Variants in TMEM67 observed in about 807,000 individuals in gnomAD.
TMEM67 encodes meckelin.
In TMEM67, 124 loss-of-function variants were observed where a neutral mutation model predicts 136.6. The observed-to-expected ratio is 0.91, with a 90% CI of 0.78 to 1.05. TMEM67 has a LOEUF of 1.05. Among genes scored for constraint, TMEM67 ranks in the 50% least tolerant of loss-of-function variants. The probability of loss-of-function intolerance (pLI) is 0.00; values close to 1 mark genes in which losing one functional copy is unlikely to be tolerated. For missense variants in TMEM67, 1,107 were observed against 1,178.4 expected (o/e 0.94, Z 0.89); for synonymous variants, 364 against 390.5 (o/e 0.93, Z 0.80).
chr8:93,758,856 C>T (rs912065066), intron 3 of TMEM67: 3 of 368,502 alleles, frequency 8.1e-6, no homozygotes, highest in African/African-American at 4.1e-5. Context: ...GCCTCAGCCT[C>T]CTAAAGTGCT....
At chr8:93,777,011 T>C (rs553864559) in intron 7 of TMEM67, among the ~76,000 whole-genome samples, 1 of 152,366 alleles carries the variant, frequency 6.6e-6, no homozygotes, top group Admixed American at 6.5e-5. Flanking sequence ...GGCTATTGAT[T>C]ATTGCCTCAA....
intron 3 of TMEM67, chr8:93,759,149 A>G (rs1346237856): frequency 6.6e-6 from 1 of 152,220 alleles, no homozygotes. Flanking sequence ...CAAACTATGC[A>G]CTTAAGTAAG....
chr8:93,816,275 T>G lies in TMEM67; in HGVS notation c.2908-97T>G, dbSNP rs1808902124. On this transcript the variant is annotated intron_variant, in intron 27 of 27. Coordinates refer to ENST00000453321, the MANE Select transcript of TMEM67 (RefSeq NM_153704.6). ...CAGATACCTGATACATGAAAATAGT[T>G]GAGAGAATTAGCTAATTTAATCTAG... The G allele has an allele frequency of 7.0e-6, 4 of 572,102 alleles. No homozygotes were observed. The South Asian group carries it at 1.1e-4, about 16-fold the overall frequency. 35.4% of individuals were successfully genotyped at this position (572,102 alleles called of 1,614,324 possible).
chr8:93,764,066 T>A, intron 4 of TMEM67, 125 bp downstream of exon 4: 2 of 738,912 alleles, frequency 2.7e-6, no homozygotes, highest in South Asian at 3.1e-5. Flanking sequence ...AGGATAGAAG[T>A]AGACATTAAC....
At chr8:93,773,916 G>A (rs187513436) in intron 7 of TMEM67, among the ~76,000 whole-genome samples, 98 of 152,092 alleles carry the variant, frequency 6.4e-4, no homozygotes, top group African/African-American at 2.2e-3. Context: ...AAATGTTTGT[G>A]TTATTTCTCT....
chr8:93,780,239 G>C (rs190216172), intron 7 of TMEM67, among the ~76,000 whole-genome samples: 4 of 152,004 alleles, frequency 2.6e-5, no homozygotes, highest in Non-Finnish European at 4.4e-5. Flanking sequence ...GCAGTGTTTA[G>C]GTGGAGGTGT....
chr8:93,808,197 T>C (rs1815240389), intron 23 of TMEM67, among the ~76,000 whole-genome samples: 1 of 148,238 alleles, frequency 6.7e-6, no homozygotes, highest in Non-Finnish European at 1.5e-5. Flanking sequence ...TCTACTTAAA[T>C]ATATATATAT....
downstream of TMEM67, among the ~76,000 whole-genome samples, chr8:93,823,708 A>G (rs1331860237): frequency 6.6e-6 from 1 of 152,196 alleles, no homozygotes; most frequent in Admixed American, 6.5e-5. Flanking sequence ...GACAGAATTG[A>G]CCAGATTCGA....
rs748909800 is a variant in TMEM67 at position 93,803,680 on chromosome 8, G to A, written c.2318G>A (p.Ser773Asn). The change falls in exon 22 of 28, where the codon AGT becomes AAT. Residue 773 changes from serine to asparagine, a missense_variant. Physicochemically the swap from Ser to Asn is conservative, Grantham distance 46. Transcript: ENST00000453321. ...IRQFVDLCSM[S>N]NISVFLLSHK... ...CAGTTCGTTGATTTATGCTCTATGA[G>A]TAATGTAAGTACTTTCTGACTTCAT... 2.6e-6 allele frequency: 4 copies of A among 1,533,624 alleles called. No individual in the cohort carries two copies. The South Asian group carries it at 4.5e-5, about 17-fold the overall frequency.
chr8:93,830,871 C>T, the TMEM67 span, among the ~76,000 whole-genome samples: 5 of 152,342 alleles, frequency 3.3e-5, no homozygotes, highest in African/African-American at 7.2e-5. Context: ...CATTTGCCCA[C>T]GTATTTCCAT....
chr8:93,781,782 T>C (rs758092316), intron 10 of TMEM67, 38 bp downstream of exon 10: 12 of 1,278,774 alleles, frequency 9.4e-6, no homozygotes, highest in Non-Finnish European at 1.4e-5. Flanking sequence ...ATAACATGCA[T>C]TATTTTTGCC....
At chr8:93,779,291 G>A (rs894563358) in intron 7 of TMEM67, among the ~76,000 whole-genome samples, 1 of 152,042 alleles carries the variant, frequency 6.6e-6, no homozygotes, top group Non-Finnish European at 1.5e-5. Context: ...TCCTTCCGAC[G>A]GGTTCGAACA....
At chr8:93,791,145 GATAGTTAAAAACT>G in intron 14 of TMEM67, 105 bp from the exon 15 acceptor site, 1 of 672,128 alleles carries the variant, frequency 1.5e-6, no homozygotes, top group Admixed American at 2.6e-5. Context: ...TAGTAATATT[GATAGTTAAAAACT>G]ATAGTGTTTA....
At chr8:93,768,504 A>G (rs1393129772) in intron 6 of TMEM67, among the ~76,000 whole-genome samples, 3 of 152,130 alleles carry the variant, frequency 2.0e-5, no homozygotes, top group East Asian at 3.9e-4. Flanking sequence ...CAGCTTCTCA[A>G]GAGGCTAAGA....
the TMEM67 span, among the ~76,000 whole-genome samples, chr8:93,826,976 C>T: frequency 9.2e-5 from 14 of 152,172 alleles, no homozygotes; most frequent in East Asian, 2.1e-3. Flanking sequence ...ATTACAGGCA[C>T]GTGCCACCAC....
At chr8:93,831,227 A>G in the TMEM67 span, among the ~76,000 whole-genome samples, 14 of 152,206 alleles carry the variant, frequency 9.2e-5, no homozygotes, top group Non-Finnish European at 1.8e-4. Context: ...CTTTAAGTGA[A>G]AGTTATCTTA....
rs749011412 is a variant in TMEM67, at chr8:93,795,450, C to T, written c.1716C>T (p.Ala572=). The part of the protein sequence containing the change: ...KFLVYYAGDL[A]NVFFIITVGT... ...TGGTGTACTATGCTGGTGATCTGGC[C>T]AATGTTTTCTTTATCATCACAGTGG... is the stretch of plus-strand genomic sequence containing the variant. Residue 572 remains alanine, a synonymous_variant, in exon 17 of 28, where the codon GCC becomes GCT. Coordinates refer to ENST00000453321, the MANE Select transcript of TMEM67 (RefSeq NM_153704.6). 2 of 1,613,824 alleles carry T rather than the reference C, an allele frequency of 1.2e-6. No homozygotes were observed. Among genetic ancestry groups the T allele is most frequent in the South Asian group, 2.2e-5 (2 of 91,052 alleles).
Position 93,765,402 on chromosome 8 carries a change from A to C in TMEM67, c.507-4A>C. 1 of 1,609,108 alleles carries C rather than the reference A, an allele frequency of 6.2e-7. No homozygotes were observed. The highest frequency in any genetic ancestry group is 8.5e-7 in the Non-Finnish European group (1 of 1,177,490). On this transcript the variant is annotated splice_polypyrimidine_tract_variant and splice_region_variant and intron_variant, in intron 4 of 27. Coordinates refer to ENST00000453321, the MANE Select transcript of TMEM67 (RefSeq NM_153704.6). ...TTTAAAATTATTTTTGTTATATTGA[A>C]CAGGTGCGTCCGATGTGAGCCAACA... is the stretch of plus-strand genomic sequence containing the variant.
At chr8:93,789,488 A>G (rs1814270876) in intron 14 of TMEM67, among the ~76,000 whole-genome samples, 1 of 151,882 alleles carries the variant, frequency 6.6e-6, no homozygotes, top group African/African-American at 2.4e-5. Context: ...TCTACTAAAA[A>G]TACAAAATCA....
Sources: allele counts gnomAD v4.1 joint callset (sites outside exome capture counted in the v4.1 genomes callset), GRCh38; gene constraint gnomAD v4.1.1; transcripts MANE v1.5; gene names NCBI Gene and HGNC (gene_info 2026-07-23, HGNC 2026-07-21).